DHX38: variants seen among roughly 807,000 people sequenced by gnomAD.
DHX38 encodes the protein DEAH-box helicase 38.
DHX38 carries 100 observed loss-of-function variants against 153.1 expected under a neutral mutation model. The observed-to-expected ratio is 0.65, with a 90% CI of 0.56 to 0.77. The LOEUF (loss-of-function observed/expected upper bound fraction) is 0.77. DHX38 is among the 30% of genes least tolerant of loss of function. DHX38 has a pLI of 0.00. For missense variants in DHX38, 1,440 were observed against 1,654.0 expected (o/e 0.87, Z 2.24); for synonymous variants, 650 against 631.7 (o/e 1.03, Z -0.43).
rs1194509584 is a variant in DHX38 at position 72,105,105 on chromosome 16, C to G, written c.2230C>G (p.Leu744Val). The change falls in exon 16 of 27, where the codon CTT (leucine) becomes GTT (valine). Residue 744 changes from leucine to valine, a missense_variant. Leu to Val is a conservative substitution (Grantham distance 32, BLOSUM62 1). Coordinates refer to ENST00000268482, the MANE Select transcript of DHX38 (RefSeq NM_014003.4). Reference protein sequence around the residue: ...VHLSGAPGDILIFMPGQEDIE... With the variant: ...VHLSGAPGDIVIFMPGQEDIE... ...CCTGTCGGGGGCCCCTGGAGACATCCTTATCTTCATGCCTGGCCAAGAGGA... is the reference window on the plus strand; with the variant it reads ...CCTGTCGGGGGCCCCTGGAGACATCGTTATCTTCATGCCTGGCCAAGAGGA... The G allele has an allele frequency of 2.5e-6, 4 of 1,614,220 alleles. No homozygotes were observed. The highest frequency in any genetic ancestry group is 3.4e-6 in the Non-Finnish European group (4 of 1,180,034).
intron 3 of DHX38, chr16:72,097,433 A>G (rs1174051281): frequency 2.0e-6 from 1 of 503,114 alleles, no homozygotes; most frequent in African/African-American, 1.9e-5. Flanking sequence ...GTAAACTCGC[A>G]CTAGTATTTT....
rs369135663 is a variant in DHX38, at chr16:72,107,567, C to A, written c.2809+19C>A. On this transcript the variant is annotated intron_variant, in intron 20 of 26. Transcript: ENST00000268482. The surrounding 1 kb of genome is among the most constrained non-coding windows in gnomAD (Gnocchi z 5.3). ...AACACAGGTGAGGCGGCCCCGGGAG[C>A]CTCATGGGTGCTGGCGCTTGACTTC... is the stretch of plus-strand genomic sequence containing the variant. 3.7e-6 allele frequency: 6 copies of A among 1,610,262 alleles called. No individual in the cohort carries two copies. Among genetic ancestry groups the A allele is most frequent in the Non-Finnish European group, 8.5e-7 (1 of 1,176,892 alleles).
At position 72,110,876 on chromosome 16, in the gene DHX38, G is replaced by T; in HGVS notation, c.3478-80G>T. On this transcript the variant is annotated intron_variant, in intron 25 of 26. Coordinates refer to ENST00000268482, the MANE Select transcript of DHX38 (RefSeq NM_014003.4). ...CTGGTGGATGCAGCACCTGGTTTGT[G>T]GCAGGGACTTGGGTGCCGACGAGGC... The T allele has an allele frequency of 3.4e-6, 5 of 1,488,276 alleles. No homozygotes were observed. The South Asian group carries it at 6.7e-5, about 20-fold the overall frequency. 92.2% of individuals were successfully genotyped at this position (1,488,276 alleles called of 1,614,324 possible).
chr16:72,112,327 G>C, intron 26 of DHX38, 86 bp from the exon 27 acceptor site: 1 of 1,364,110 alleles, frequency 7.3e-7, no homozygotes, highest in Non-Finnish European at 1.0e-6. Context: ...GTTAGGAACA[G>C]TAAGTCCTGG....
At chr16:72,097,271 A>T (rs1341024963) in intron 3 of DHX38, 1 of 424,014 alleles carries the variant, frequency 2.4e-6, no homozygotes, top group African/African-American at 2.0e-5. Flanking sequence ...ATGGGTAAAT[A>T]TGTATAAGAG....
Position 72,096,916 on chromosome 16 carries a change from C to A in DHX38, c.418C>A (p.Arg140=), listed in dbSNP as rs1050362. The A allele has an allele frequency of 0.38, 606,746 of 1,613,542 alleles. 120,504 individuals carry two copies. The highest frequency in any genetic ancestry group is 0.72 in the African/African-American group (53,564 of 74,902). The change falls in exon 3 of 27, where the codon CGG becomes AGG. Residue 140 remains arginine (R), a synonymous_variant. Coordinates refer to ENST00000268482, the MANE Select transcript of DHX38 (RefSeq NM_014003.4). ...CAGTCGGCAGAGAGAGCGGGAGCGG[C>A]GGGAACATGGTGTCTATGCCTCGTC... ...ERSRQRERER[R]EHGVYASSKE...
rs1597446930 is a variant in DHX38, at chr16:72,107,024, C to A, written c.2601-316C>A. ...TCTCTACTAAAAATACAAAAATCAG[C>A]TGGGCGTGGTGGCGGATGCCTGTAG... is the stretch of plus-strand genomic sequence containing the variant. On this transcript the variant is annotated intron_variant, in intron 19 of 26. Transcript: ENST00000268482. This position sits in a 1 kb window ranked among gnomAD's most constrained non-coding sequence, Gnocchi z 5.3. 6.6e-6 allele frequency among the ~76,000 whole-genome samples: 1 copy of A among 152,074 alleles called. No individual in the cohort carries two copies. Among genetic ancestry groups the A allele is most frequent in the African/African-American group, 2.4e-5 (1 of 41,382 alleles).
chr16:72,107,394 G>A lies in DHX38; in HGVS notation c.2655G>A (p.Glu885=). The change falls in exon 20 of 27, where the codon GAG becomes GAA. Residue 885 remains glutamate (E), a synonymous_variant. Transcript: ENST00000268482. The surrounding 1 kb of genome is among the most constrained non-coding windows in gnomAD (Gnocchi z 5.3). The part of the protein sequence containing the change: ...KNELLTTTVP[E]IQRTNLANVV... ...AGCTCCTGACCACCACAGTGCCCGA[G>A]ATCCAGAGGACTAACCTGGCCAACG... The A allele has an allele frequency of 6.2e-7, 1 of 1,613,888 alleles. No individual in the cohort carries two copies. Among genetic ancestry groups the A allele is most frequent in the Non-Finnish European group, 8.5e-7 (1 of 1,180,028 alleles).
chr16:72,096,802 A>G lies in DHX38; in HGVS notation c.324-20A>G, dbSNP rs1368297832. On this transcript the variant is annotated intron_variant, in intron 2 of 26. Transcript: ENST00000268482. Reference sequence around the variant, plus strand: ...TTTCTCCTATGGAGGGGCCTTTACCAGTTGCTCTCCCTGTTTCAGACATTA... The same window carrying G: ...TTTCTCCTATGGAGGGGCCTTTACCGGTTGCTCTCCCTGTTTCAGACATTA... The G allele has an allele frequency of 6.2e-7, 1 of 1,602,074 alleles. No homozygotes were observed.
At position 72,104,595 on chromosome 16, in the gene DHX38, G is replaced by A. The variant is rs752762438; in HGVS notation, c.2120G>A (p.Arg707His). 1.3e-5 allele frequency: 21 copies of A among 1,613,968 alleles called. No individual in the cohort carries two copies. The highest frequency in any genetic ancestry group is 1.5e-5 in the Non-Finnish European group (18 of 1,180,010). Residue 707 changes from arginine (R) to histidine (H), a missense_variant, in exon 15 of 27, where the codon CGT becomes CAT. By Grantham distance (29) the Arg-to-His change is conservative. Transcript: ENST00000268482. The surrounding 1 kb of genome is among the most constrained non-coding windows in gnomAD (Gnocchi z 4.5). ...GNVPIFHIPGRTFPVDILFSK... is the reference protein window; with the variant it reads ...GNVPIFHIPGHTFPVDILFSK... Reference sequence around the variant, plus strand: ...GTCCCCATCTTCCACATCCCTGGCCGTACCTTCCCTGTTGACATCCTCTTC... The same window carrying A: ...GTCCCCATCTTCCACATCCCTGGCCATACCTTCCCTGTTGACATCCTCTTC...
intron 21 of DHX38, 128 bp from the exon 22 acceptor site, chr16:72,108,099 T>C (rs917636046): frequency 8.6e-6 from 10 of 1,157,250 alleles, no homozygotes; most frequent in Middle Eastern, 2.6e-4. Context: ...TCTCAAATTG[T>C]CAGGGCAACC....
chr16:72,103,572 G>A, intron 12 of DHX38, 30 bp from the exon 13 acceptor site: 2 of 1,590,380 alleles, frequency 1.3e-6, no homozygotes, highest in Non-Finnish European at 1.7e-6. Context: ...CACTTCGGCT[G>A]ATAAGCCCTT....
chr16:72,101,104 G>A lies in DHX38; in HGVS notation c.1297G>A (p.Val433Met). Residue 433 changes from valine to methionine, a missense_variant, in exon 10 of 27, where the codon GTG becomes ATG. Physicochemically the swap from Val to Met is conservative, Grantham distance 21 (BLOSUM62 1). Around this residue, in one of 6 missense-constraint regions of DHX38, gnomAD observed 77 missense variants for 125.4 expected, o/e 0.61. Coordinates refer to ENST00000268482, the MANE Select transcript of DHX38 (RefSeq NM_014003.4). ...FTKQPEPVIP[V>M]KDATSDLAII... Reference sequence around the variant, plus strand: ...GCTGCAGCCGGAGCCGGTGATTCCAGTGAAGGATGCTACTTCTGACCTGGC... The same window carrying A: ...GCTGCAGCCGGAGCCGGTGATTCCAATGAAGGATGCTACTTCTGACCTGGC... 1.9e-6 allele frequency: 3 copies of A among 1,614,246 alleles called. No individual in the cohort carries two copies. Among genetic ancestry groups the A allele is most frequent in the Non-Finnish European group, 2.5e-6 (3 of 1,180,038 alleles).
At chr16:72,111,707 C>T (rs916168610) in intron 26 of DHX38, among the ~76,000 whole-genome samples, 5 of 152,336 alleles carry the variant, frequency 3.3e-5, no homozygotes, top group East Asian at 1.9e-4. Context: ...CACGTCCCCC[C>T]GTGGCACACT....
At chr16:72,094,332 A>T (rs572672503) in intron 1 of DHX38, 1 of 152,226 alleles carries the variant, frequency 6.6e-6, no homozygotes, top group East Asian at 1.9e-4. Context: ...CCTCCGCTTT[A>T]ACCCACCCCA....
chr16:72,108,773 T>G (rs1408233495), intron 23 of DHX38, 27 bp from the exon 24 acceptor site: 3 of 1,607,690 alleles, frequency 1.9e-6, no homozygotes, highest in South Asian at 1.1e-5. Context: ...TTTCCTGATG[T>G]GGCTGCCTGT....
At chr16:72,102,941 T>A in intron 11 of DHX38, 133 bp from the exon 12 acceptor site, 1 of 1,286,072 alleles carries the variant, frequency 7.8e-7, no homozygotes, top group Non-Finnish European at 1.1e-6. Context: ...CATCTCAGAT[T>A]CCCTGGCTGC....
chr16:72,104,684 G>C lies in DHX38; in HGVS notation c.2151+58G>C. The C allele has an allele frequency of 6.2e-7, 1 of 1,606,620 alleles. No homozygotes were observed. The highest frequency in any genetic ancestry group is 8.5e-7 in the Non-Finnish European group (1 of 1,175,800). ...TCCATGCCACGCACTTCTCTGATGC[G>C]AAGCCGGCTGGAGGGTGGAGGGTGG... On this transcript the variant is annotated intron_variant, in intron 15 of 26. Coordinates refer to ENST00000268482, the MANE Select transcript of DHX38 (RefSeq NM_014003.4). This position sits in a 1 kb window ranked among gnomAD's most constrained non-coding sequence, Gnocchi z 4.5.
At chr16:72,100,681 G>A (rs1255888690) in intron 9 of DHX38, 84 bp downstream of exon 9, 13 of 1,551,072 alleles carry the variant, frequency 8.4e-6, no homozygotes, top group Admixed American at 3.5e-5. Flanking sequence ...CTGTCATCCC[G>A]GCACTTTGGG....
Sources: gnomAD v4.1 joint callset for allele counts (sites outside exome capture counted in the v4.1 genomes callset) on GRCh38, gnomAD v4.1.1 for gene constraint, gnomAD v4.1.1 regional missense constraint, Gnocchi (gnomAD v3.1) non-coding constraint, MANE v1.5 for transcripts, NCBI Gene and HGNC (gene_info 2026-07-23, HGNC 2026-07-21) for gene names.